The following IFT52 variants were observed in gnomAD, a reference collection of about 807,000 sequenced individuals.
IFT52 encodes the protein intraflagellar transport protein 52 homolog.
A neutral mutation model predicts 54.4 loss-of-function variants in IFT52; 44 were observed. The ratio of observed to expected loss-of-function variants is 0.81; its 90% CI spans 0.63 to 1.04. IFT52 has a LOEUF of 1.04. Among genes scored for constraint, IFT52 ranks in the 50% least tolerant of loss-of-function variants. The probability of loss-of-function intolerance (pLI) is 0.00; values close to 1 mark genes in which losing one functional copy is unlikely to be tolerated. For synonymous variants in IFT52, 181 were observed against 185.3 expected (o/e 0.98, Z 0.19); for missense variants, 452 against 523.6 (o/e 0.86, Z 1.33).
chr20:43,627,139 C>G (rs1414998626), intron 10 of IFT52, among the ~76,000 whole-genome samples: 2 of 151,654 alleles, frequency 1.3e-5, no homozygotes, highest in Non-Finnish European at 2.9e-5. Context: ...TGGACTCCAG[C>G]CTGGGCAACA....
At chr20:43,594,160 T>C (rs1321568122) in intron 1 of IFT52, among the ~76,000 whole-genome samples, 1 of 151,660 alleles carries the variant, frequency 6.6e-6, no homozygotes, top group Non-Finnish European at 1.5e-5. Context: ...ATACAAAAAT[T>C]AGCTGGGCAT....
chr20:43,614,540 T>C (rs574755790), intron 7 of IFT52, among the ~76,000 whole-genome samples: 12 of 152,036 alleles, frequency 7.9e-5, no homozygotes, highest in African/African-American at 2.7e-4. Context: ...ACTTTTTTTT[T>C]TTTTTGATCC....
At chr20:43,619,631 G>A (rs722234) in intron 8 of IFT52, among the ~76,000 whole-genome samples, 3,475 of 152,046 alleles carry the variant, frequency 0.023, 60 homozygotes, top group Admixed American at 0.058. Flanking sequence ...ATTAGGAAAG[G>A]CTCTGTAGAG....
At position 43,636,084 on chromosome 20, in the gene IFT52, G is replaced by A. The variant is rs1237058220; in HGVS notation, c.1011+71G>A. ...GCCCTTATCTTGTCAGCAGGCATTC[G>A]CTGTGGTCCCTTCCATGTGCCATTT... On this transcript the variant is annotated intron_variant, in intron 11 of 13. Coordinates refer to ENST00000373030, the MANE Select transcript of IFT52 (RefSeq NM_016004.5). The A allele has an allele frequency of 6.9e-6, 10 of 1,459,746 alleles. No homozygotes were observed. In the East Asian group the frequency reaches 1.1e-4, roughly 17 times the overall value. The allele number at this position is 1,459,746 out of a possible 1,614,324, so 90.4% of individuals were successfully genotyped here.
chr20:43,624,049 A>AG lies in IFT52; in HGVS notation c.923+5dup. The AG allele has an allele frequency of 1.2e-6, 2 of 1,613,928 alleles. No homozygotes were observed. Among genetic ancestry groups the AG allele is most frequent in the Non-Finnish European group, 8.5e-7 (1 of 1,179,894 alleles). On this transcript the variant is annotated splice_donor_region_variant and intron_variant, in intron 10 of 13. Coordinates refer to ENST00000373030, the MANE Select transcript of IFT52 (RefSeq NM_016004.5). ...CCTCCTTCCACAGCGTCATCGAGTCAGTACCTGTGGGCCTCTGAGCCACAC... is the reference window on the plus strand; with the variant it reads ...CCTCCTTCCACAGCGTCATCGAGTCAGGTACCTGTGGGCCTCTGAGCCACAC...
Position 43,619,037 on chromosome 20 carries a change from TC to T in IFT52, c.699+12del. 1 of 1,544,660 alleles carries T rather than the reference TC, an allele frequency of 6.5e-7. No homozygotes were observed. Among genetic ancestry groups the T allele is most frequent in the Non-Finnish European group, 8.9e-7 (1 of 1,118,030 alleles). On this transcript the variant is annotated intron_variant, in intron 8 of 13. Transcript: ENST00000373030. ...AACAGCAAAATCATGGTAAGCTTTT[TC>T]TTTTGTCATATTAATATACAATGTG...
intron 3 of IFT52, among the ~76,000 whole-genome samples, chr20:43,599,437 G>T (rs1982254189): frequency 6.6e-6 from 1 of 152,166 alleles, no homozygotes; most frequent in Non-Finnish European, 1.5e-5. Flanking sequence ...AGGCAAATTT[G>T]ATGTAACTTT....
chr20:43,623,936 C>T lies in IFT52; in HGVS notation c.814C>T (p.Arg272Trp), dbSNP rs367996857. 1.2e-5 allele frequency: 19 copies of T among 1,614,030 alleles called. No individual in the cohort carries two copies. The highest frequency in any genetic ancestry group is 5.3e-5 in the African/African-American group (4 of 74,898). The change falls in exon 10 of 14, where the codon CGG becomes TGG. Residue 272 changes from arginine (R) to tryptophan (W), a missense_variant. Physicochemically the swap from Arg to Trp is moderately radical, Grantham distance 101. Coordinates refer to ENST00000373030, the MANE Select transcript of IFT52 (RefSeq NM_016004.5). ...MLPYTATLSKRNRECLQESDE... is the reference protein window; with the variant it reads ...MLPYTATLSKWNRECLQESDE... ...GCCCTACACAGCCACCCTATCAAAGCGGAATCGAGAGTGTCTCCAGGAGAG... is the reference window on the plus strand; with the variant it reads ...GCCCTACACAGCCACCCTATCAAAGTGGAATCGAGAGTGTCTCCAGGAGAG...
chr20:43,629,256 C>T (rs913684721), intron 10 of IFT52, among the ~76,000 whole-genome samples: 1 of 151,976 alleles, frequency 6.6e-6, no homozygotes, highest in African/African-American at 2.4e-5. Context: ...CTCTGTTGTA[C>T]GTTTTTGTTT....
chr20:43,600,180 G>A (rs966739694), intron 3 of IFT52, among the ~76,000 whole-genome samples: 3 of 152,116 alleles, frequency 2.0e-5, no homozygotes, highest in African/African-American at 4.8e-5. Flanking sequence ...GTAGAACTCC[G>A]ATGAATGGGA....
chr20:43,624,092 G>A, intron 10 of IFT52, 47 bp downstream of exon 10: 2 of 1,589,846 alleles, frequency 1.3e-6, no homozygotes, highest in South Asian at 2.2e-5. Context: ...CATTCTGAGT[G>A]TTTGGTTTGG....
chr20:43,605,018 G>T lies in IFT52; in HGVS notation c.430G>T (p.Ala144Ser), dbSNP rs200560199. ...GVLNREISRA[A>S]GKAVPGIIDE... ...TTCTTCAAGGGAAATTAGCCGAGCT[G>T]CAGGAAAGGCTGTGCCTGGGATCAT... is the stretch of plus-strand genomic sequence containing the variant. The change falls in exon 6 of 14, where the codon GCA becomes TCA. Residue 144 changes from alanine (A) to serine (S), a missense_variant. Physicochemically the swap from Ala to Ser is moderately conservative, Grantham distance 99 (BLOSUM62 1). Coordinates refer to ENST00000373030, the MANE Select transcript of IFT52 (RefSeq NM_016004.5). 4.3e-5 allele frequency: 70 copies of T among 1,613,526 alleles called. No individual in the cohort carries two copies. The East Asian group carries it at 7.1e-4, about 16-fold the overall frequency.
In IFT52 at chr20:43,606,507, C is replaced by T. The variant is rs148655097; in HGVS notation, c.485+1434C>T. Among the ~76,000 whole-genome samples, 369 of 151,966 alleles carry T rather than the reference C, an allele frequency of 2.4e-3. 2 individuals carry two copies. Among genetic ancestry groups the T allele is most frequent in the South Asian group, 6.7e-3 (32 of 4,802 alleles). On this transcript the variant is annotated intron_variant, in intron 6 of 13. Coordinates refer to ENST00000373030, the MANE Select transcript of IFT52 (RefSeq NM_016004.5). ...CAGGCTGGTCTTGAACTCCTGACCT[C>T]AGGTGATCCACCTGCCTCGGCCTCC...
intron 5 of IFT52, 57 bp from the exon 6 acceptor site, chr20:43,604,945 C>T: frequency 6.4e-7 from 1 of 1,550,530 alleles, no homozygotes; most frequent in Admixed American, 1.7e-5. Context: ...CTAATGAATG[C>T]AGTGTGAAAT....
chr20:43,636,314 A>G (rs902273923), intron 11 of IFT52, among the ~76,000 whole-genome samples: 2 of 152,200 alleles, frequency 1.3e-5, no homozygotes, highest in African/African-American at 4.8e-5. Flanking sequence ...AAAGGAAGAA[A>G]ACTTTGTACT....
intron 1 of IFT52, among the ~76,000 whole-genome samples, chr20:43,593,425 T>C (rs561779923): frequency 2.5e-4 from 38 of 152,352 alleles, no homozygotes; most frequent in Non-Finnish European, 4.3e-4. Flanking sequence ...TCTACAAATA[T>C]GCAAATTGCA....
chr20:43,634,925 C>T (rs1187608905), intron 10 of IFT52, among the ~76,000 whole-genome samples: 2 of 152,058 alleles, frequency 1.3e-5, no homozygotes, highest in Non-Finnish European at 2.9e-5. Context: ...AATCTCAGCA[C>T]TTTGGGAGAC....
intron 6 of IFT52, among the ~76,000 whole-genome samples, chr20:43,609,203 C>G (rs535130974): frequency 7.4e-4 from 113 of 152,158 alleles, no homozygotes; most frequent in Non-Finnish European, 1.3e-3. Context: ...GATCATGCCA[C>G]TGTACTCCAG....
chr20:43,604,024 A>G, intron 4 of IFT52, 135 bp downstream of exon 4: 1 of 906,618 alleles, frequency 1.1e-6, no homozygotes, highest in Non-Finnish European at 1.7e-6. Flanking sequence ...CATTCTCATC[A>G]GCAGTCTGAG....
Sources: allele counts gnomAD v4.1 joint callset (sites outside exome capture counted in the v4.1 genomes callset), GRCh38; gene constraint gnomAD v4.1.1; transcripts MANE v1.5; gene names NCBI Gene and HGNC (gene_info 2026-07-23, HGNC 2026-07-21).